MYBL2: variants seen among roughly 807,000 people sequenced by gnomAD.
MYBL2 encodes MYB proto-oncogene like 2.
A neutral mutation model predicts 79.9 loss-of-function variants in MYBL2; 28 were observed. The ratio of observed to expected loss-of-function variants is 0.35; its 90% confidence interval spans 0.26 to 0.48. The LOEUF (loss-of-function observed/expected upper bound fraction) is 0.48, where lower values mean the gene tolerates loss of function less well. MYBL2 is among the 20% of genes least tolerant of loss of function. MYBL2 has a pLI of 0.99. For missense variants in MYBL2, 735 were observed against 893.9 expected, an observed-to-expected ratio of 0.82 and a Z score of 2.27; for synonymous variants, 378 against 361.2, an observed-to-expected ratio of 1.05 and a Z score of -0.53.
intron 2 of MYBL2, among the ~76,000 whole-genome samples, chr20:43,679,330 T>C (rs1987091328): frequency 6.6e-6 from 1 of 152,230 alleles, no homozygotes; most frequent in Non-Finnish European, 1.5e-5. Context: ...AATTTGTATG[T>C]GTGACAAAAC....
At chr20:43,673,376 C>T (rs1986913542) in intron 1 of MYBL2, among the ~76,000 whole-genome samples, 1 of 151,724 alleles carries the variant, frequency 6.6e-6, no homozygotes, top group Non-Finnish European at 1.5e-5. Flanking sequence ...GTGGCTCATG[C>T]CTATAGTCCC....
intron 5 of MYBL2, among the ~76,000 whole-genome samples, chr20:43,691,151 C>T (rs547244145): frequency 6.6e-6 from 1 of 152,078 alleles, no homozygotes; most frequent in Non-Finnish European, 1.5e-5. Flanking sequence ...ACTTATCAGT[C>T]TGTGGGAGGT....
At chr20:43,682,255 C>T (rs570046082) in intron 3 of MYBL2, among the ~76,000 whole-genome samples, 6 of 152,144 alleles carry the variant, frequency 3.9e-5, no homozygotes, top group African/African-American at 1.4e-4. Flanking sequence ...CTACCACATT[C>T]GAGTATTTAG....
At chr20:43,683,596 C>T (rs1266220516) in intron 4 of MYBL2, among the ~76,000 whole-genome samples, 1 of 144,278 alleles carries the variant, frequency 6.9e-6, no homozygotes, top group Non-Finnish European at 1.5e-5. Flanking sequence ...CTTTGTCGCT[C>T]AGGTTAGAGT....
chr20:43,709,295 C>T (rs1013176991), intron 9 of MYBL2, among the ~76,000 whole-genome samples: 2 of 152,172 alleles, frequency 1.3e-5, no homozygotes, highest in African/African-American at 4.8e-5. Flanking sequence ...TGACATTTGC[C>T]CACAGCCAGC....
At chr20:43,678,822 A>C (rs986280115) in intron 2 of MYBL2, among the ~76,000 whole-genome samples, 3 of 135,828 alleles carry the variant, frequency 2.2e-5, no homozygotes. Context: ...GCACCATTGC[A>C]CTCCAGCCTG....
chr20:43,708,177 G>A (rs562200972), intron 9 of MYBL2, among the ~76,000 whole-genome samples: 1 of 152,136 alleles, frequency 6.6e-6, no homozygotes, highest in African/African-American at 2.4e-5. Flanking sequence ...ATGGCCCACT[G>A]CAACTTCTAC....
At chr20:43,668,655 C>G (rs1250492377) in intron 1 of MYBL2, among the ~76,000 whole-genome samples, 6 of 148,930 alleles carry the variant, frequency 4.0e-5, no homozygotes, top group Non-Finnish European at 8.9e-5. Flanking sequence ...GAAGAGTTTT[C>G]TGTTCAGGCG....
At chr20:43,685,765 C>T (rs1206452111) in intron 4 of MYBL2, among the ~76,000 whole-genome samples, 1 of 150,794 alleles carries the variant, frequency 6.6e-6, no homozygotes, top group African/African-American at 2.4e-5. Flanking sequence ...AAAAAAATGG[C>T]GGTGGCTCAC....
chr20:43,700,735 AACAT>A (rs1987659616), intron 7 of MYBL2, among the ~76,000 whole-genome samples: 1 of 152,140 alleles, frequency 6.6e-6, no homozygotes. Context: ...GTCTGAGCTT[AACAT>A]ACAGTCTGCG....
intron 7 of MYBL2, among the ~76,000 whole-genome samples, chr20:43,701,904 A>G (rs889542646): frequency 2.6e-5 from 4 of 152,106 alleles, no homozygotes; most frequent in Admixed American, 1.3e-4. Context: ...AGTGGCTCAC[A>G]CCTGTCATCC....
At chr20:43,668,194 C>CTTT (rs3091539) in intron 1 of MYBL2, among the ~76,000 whole-genome samples, 59 of 80,634 alleles carry the variant, frequency 7.3e-4, no homozygotes, top group African/African-American at 1.6e-3. Flanking sequence ...TTCGTTCCCT[C>CTTT]TTTTTTTTTT....
At position 43,716,326 on chromosome 20, in the gene MYBL2, C is replaced by T. The variant is rs758677736; in HGVS notation, c.*239C>T. On this transcript the variant is annotated 3_prime_UTR_variant, in exon 14 of 14. Coordinates refer to ENST00000217026, the MANE Select transcript of MYBL2 (RefSeq NM_002466.4). ...ACTTCCAGGTCTGCCTGGTTCCCTC[C>T]CCAAGGCCACAGGGAGCTCCGTCAG... 15 of 558,214 alleles carry T rather than the reference C, an allele frequency of 2.7e-5. No individual in the cohort carries two copies. The highest frequency in any genetic ancestry group is 3.9e-5 in the Non-Finnish European group (13 of 329,876). 34.6% of individuals were successfully genotyped at this position (558,214 alleles called of 1,614,324 possible). A position where few individuals can be genotyped will look rare whatever the true frequency, so the allele number is the denominator to read the frequency against.
intron 1 of MYBL2, 58 bp from the exon 2 acceptor site, chr20:43,673,748 C>A: frequency 6.5e-7 from 1 of 1,537,172 alleles, no homozygotes; most frequent in Non-Finnish European, 9.0e-7. Flanking sequence ...TACACGTTCT[C>A]CATTATGTAA....
intron 10 of MYBL2, among the ~76,000 whole-genome samples, chr20:43,711,149 T>A (rs146254698): frequency 0.01 from 1,574 of 152,236 alleles, 26 homozygotes; most frequent in African/African-American, 0.035. Flanking sequence ...GGGGTCCTAA[T>A]TCAGCAGCTG....
intron 9 of MYBL2, among the ~76,000 whole-genome samples, chr20:43,705,849 C>T (rs931132059): frequency 5.3e-5 from 8 of 152,022 alleles, no homozygotes; most frequent in Non-Finnish European, 7.4e-5. Context: ...TACAGGCATC[C>T]GCCACCGCGC....
intron 1 of MYBL2, among the ~76,000 whole-genome samples, chr20:43,670,100 A>G (rs1426801489): frequency 5.3e-5 from 8 of 152,074 alleles, no homozygotes; most frequent in African/African-American, 1.9e-4. Context: ...GCGAGACTCT[A>G]TCTCAAAATA....
Position 43,705,266 on chromosome 20 carries a change from C to G in MYBL2, c.1413C>G (p.Pro471=). The G allele has an allele frequency of 1.2e-6, 2 of 1,614,128 alleles. No individual in the cohort carries two copies. The highest frequency in any genetic ancestry group is 1.7e-6 in the Non-Finnish European group (2 of 1,180,000). ...NKQDTLELES[P]SLTSTPVCSQ... ...AGGACACATTGGAGCTGGAGAGCCC[C>G]TCGCTGACATCCACCCCAGTGTGCA... Residue 471 remains proline, a synonymous_variant, in exon 9 of 14, where the codon CCC becomes CCG. Coordinates refer to ENST00000217026, the MANE Select transcript of MYBL2 (RefSeq NM_002466.4).
intron 6 of MYBL2, among the ~76,000 whole-genome samples, chr20:43,695,241 A>G (rs898980330): frequency 3.9e-5 from 6 of 151,918 alleles, no homozygotes; most frequent in African/African-American, 1.5e-4. Flanking sequence ...GGGTTTTGCC[A>G]TTTTGGCCAG....
Sources: allele counts gnomAD v4.1 joint callset (sites outside exome capture counted in the v4.1 genomes callset), GRCh38; gene constraint gnomAD v4.1.1; transcripts MANE v1.5; gene names NCBI Gene and HGNC (gene_info 2026-07-23, HGNC 2026-07-21).